The following RCAN1 variants were observed in gnomAD, a reference collection of about 807,000 sequenced individuals.
RCAN1 encodes the protein calcipressin-1.
A neutral mutation model predicts 22.9 loss-of-function variants in RCAN1; 11 were observed. The ratio of observed to expected loss-of-function variants is 0.48; its 90% CI spans 0.30 to 0.79. The LOEUF (loss-of-function observed/expected upper bound fraction) is 0.79. Ranked by LOEUF, RCAN1 falls within the 30% of genes least tolerant of loss-of-function variation. The pLI, the probability that RCAN1 is intolerant of heterozygous loss-of-function variation, is 0.06. For synonymous variants in RCAN1, 136 were observed against 142.3 expected (o/e 0.96, Z 0.32); for missense variants, 291 against 337.8 (o/e 0.86, Z 1.09).
At chr21:34,532,325 A>C (rs1985435028) in intron 1 of RCAN1, among the ~76,000 whole-genome samples, 1 of 152,132 alleles carries the variant, frequency 6.6e-6, no homozygotes, top group Non-Finnish European at 1.5e-5. Flanking sequence ...AGGTTCAGAA[A>C]CCTGACCCAA....
chr21:34,520,973 G>T, intron 3 of RCAN1: 1 of 672,974 alleles, frequency 1.5e-6, no homozygotes, highest in Non-Finnish European at 1.9e-6. Flanking sequence ...TAGGGGACCA[G>T]CCCACAGGCC....
chr21:34,527,625 AC>A (rs1985146655), intron 1 of RCAN1, among the ~76,000 whole-genome samples: 1 of 152,224 alleles, frequency 6.6e-6, no homozygotes, highest in South Asian at 2.1e-4. Context: ...GGCAAAGGAT[AC>A]AAAAACACTA....
At chr21:34,526,536 C>G in intron 1 of RCAN1, 1 of 910,868 alleles carries the variant, frequency 1.1e-6, no homozygotes, top group Non-Finnish European at 1.6e-6. Flanking sequence ...GCTCGAAAGA[C>G]TTTGGATTTC....
intron 1 of RCAN1, among the ~76,000 whole-genome samples, chr21:34,542,610 C>T (rs116252430): frequency 0.015 from 2,209 of 152,334 alleles, 41 homozygotes; most frequent in South Asian, 0.067. Flanking sequence ...TCTGTGCAAA[C>T]TGCAGATTCA....
At chr21:34,596,674 G>A (rs983953820) in intron 1 of RCAN1, among the ~76,000 whole-genome samples, 2 of 152,176 alleles carry the variant, frequency 1.3e-5, no homozygotes, top group East Asian at 1.9e-4. Context: ...AAATACATTC[G>A]AACCGGGATG....
chr21:34,533,669 A>T (rs1985534932), intron 1 of RCAN1, among the ~76,000 whole-genome samples: 1 of 152,198 alleles, frequency 6.6e-6, no homozygotes, highest in Non-Finnish European at 1.5e-5. Flanking sequence ...ACAAAACAAG[A>T]TAGATGGGTA....
At chr21:34,594,558 GAAC>G (rs36016810) in intron 1 of RCAN1, among the ~76,000 whole-genome samples, 6 of 151,716 alleles carry the variant, frequency 4.0e-5, no homozygotes, top group African/African-American at 1.2e-4. Context: ...CTCAAAACAA[GAAC>G]AACAACAACA....
At chr21:34,608,062 T>G (rs1332531676) in intron 1 of RCAN1, among the ~76,000 whole-genome samples, 1 of 152,208 alleles carries the variant, frequency 6.6e-6, no homozygotes, top group Non-Finnish European at 1.5e-5. Flanking sequence ...CAGCCCCAGA[T>G]GGGACCATCT....
chr21:34,566,632 T>C (rs1209445515), intron 1 of RCAN1, among the ~76,000 whole-genome samples: 1 of 152,130 alleles, frequency 6.6e-6, no homozygotes. Context: ...CTGATGGTTT[T>C]TGTGTTGGTC....
intron 1 of RCAN1, among the ~76,000 whole-genome samples, chr21:34,563,786 TATATATATAGAGAGAG>T (rs1986894845): frequency 9.9e-6 from 1 of 100,816 alleles, no homozygotes; most frequent in Admixed American, 9.8e-5. Flanking sequence ...TATATATATA[TATATATATAGAGAGAG>T]AGAGAGAGAG....
chr21:34,523,627 G>A lies in RCAN1; in HGVS notation c.336C>T (p.Asn112=). 6.2e-7 allele frequency: 1 copy of A among 1,614,142 alleles called. No homozygotes were observed. The highest frequency in any genetic ancestry group is 2.2e-5 in the East Asian group (1 of 44,880). ...CTGCTGCGGAGAAGGGGTTGCTGAA[G>A]TTTATTCTGACTCGTTTGAAGCTCT... ...YFKSFKRVRI[N]FSNPFSAADA... is the part of the protein sequence containing the mutation. The change falls in exon 2 of 4, where the codon AAC becomes AAT. Residue 112 remains asparagine, a synonymous_variant. Transcript: ENST00000313806.
At chr21:34,552,871 C>T (rs977310937) in intron 1 of RCAN1, among the ~76,000 whole-genome samples, 7 of 152,206 alleles carry the variant, frequency 4.6e-5, no homozygotes, top group Non-Finnish European at 1.0e-4. Flanking sequence ...TTTAGCATTT[C>T]CCTCTGGAGA....
intron 1 of RCAN1, among the ~76,000 whole-genome samples, chr21:34,563,786 T>TAGAGAG (rs1412162405): frequency 1.2e-4 from 12 of 100,836 alleles, no homozygotes; most frequent in Non-Finnish European, 2.0e-4. Context: ...TATATATATA[T>TAGAGAG]ATATATATAG....
rs149144183 is a variant in RCAN1, at chr21:34,563,053, C to G, written c.253-39343G>C. Among the ~76,000 whole-genome samples, 15 of 152,306 alleles carry G rather than the reference C, an allele frequency of 9.8e-5. 1 individual carries two copies. The highest frequency in any genetic ancestry group is 3.6e-4 in the African/African-American group (15 of 41,568). ...ACTTCCCCTTACCTCCACACGCACA[C>G]CATTGCCATCAGTATTGATTGTGGT... On this transcript the variant is annotated intron_variant, in intron 1 of 3. Transcript: ENST00000313806.
intron 1 of RCAN1, among the ~76,000 whole-genome samples, chr21:34,541,654 G>A (rs149352238): frequency 3.2e-4 from 49 of 152,292 alleles, no homozygotes; most frequent in African/African-American, 1.1e-3. Context: ...CTATTCACGG[G>A]GCGGGAGCGA....
At chr21:34,532,258 C>T (rs554975398) in intron 1 of RCAN1, among the ~76,000 whole-genome samples, 20 of 152,210 alleles carry the variant, frequency 1.3e-4, no homozygotes, top group East Asian at 7.7e-4. Context: ...ACTGACTTTG[C>T]GGGGTTCTTT....
intron 1 of RCAN1, among the ~76,000 whole-genome samples, chr21:34,539,166 T>A (rs912970256): frequency 6.6e-6 from 1 of 152,214 alleles, no homozygotes; most frequent in African/African-American, 2.4e-5. Flanking sequence ...CTCCTAGGAA[T>A]TTATTCTAAA....
chr21:34,550,472 G>GT (rs1321855391), intron 1 of RCAN1, among the ~76,000 whole-genome samples: 1 of 152,152 alleles, frequency 6.6e-6, no homozygotes, highest in Non-Finnish European at 1.5e-5. Context: ...AATCTGCTGG[G>GT]TGTCATTATA....
rs533175144 is a variant in RCAN1, at chr21:34,607,241, C to T, written c.252+7519G>A. ...AACTTAGTAACCTAGCTATAGTCCT[C>T]TCAATGAAGTGTTCCATGTTAAACT... On this transcript the variant is annotated intron_variant, in intron 1 of 3. Transcript: ENST00000313806. Among the ~76,000 whole-genome samples the T allele has an allele frequency of 2.0e-5, 3 of 152,254 alleles. No homozygotes were observed. The South Asian group carries it at 6.2e-4, about 32-fold the overall frequency.
Sources: allele counts gnomAD v4.1 joint callset (sites outside exome capture counted in the v4.1 genomes callset), GRCh38; gene constraint gnomAD v4.1.1; transcripts MANE v1.5; gene names NCBI Gene and HGNC (gene_info 2026-07-23, HGNC 2026-07-21).